The following USH2A variants were observed in gnomAD, a reference collection of about 807,000 sequenced individuals.
USH2A encodes the protein usherin, also known as Usher syndrome 2A (autosomal recessive, mild).
USH2A carries 443 observed loss-of-function variants against 538.9 expected under a neutral mutation model. The ratio of observed to expected loss-of-function variants is 0.82; its 90% CI spans 0.76 to 0.89. The LOEUF (loss-of-function observed/expected upper bound fraction) is 0.89. Among genes scored for constraint, USH2A ranks in the 40% least tolerant of loss-of-function variants. The pLI is 0.00. For synonymous variants in USH2A, 2,413 were observed against 2,273.5 expected, an observed-to-expected ratio of 1.06 and a Z score of -1.75; for missense variants, 6,633 against 6,324.8, an observed-to-expected ratio of 1.05 and a Z score of -1.65.
intron 15 of USH2A, among the ~76,000 whole-genome samples, chr1:216,217,153 A>C (rs1396637878): frequency 6.6e-6 from 1 of 152,096 alleles, no homozygotes; most frequent in African/African-American, 2.4e-5. Flanking sequence ...ATTTCACTCC[A>C]AAAAACTATT....
chr1:216,029,427 GT>G (rs1329129111), intron 32 of USH2A, among the ~76,000 whole-genome samples: 1 of 152,016 alleles, frequency 6.6e-6, no homozygotes, highest in Non-Finnish European at 1.5e-5. Context: ...GCCATAACTT[GT>G]TTAACTAGTA....
chr1:216,409,457 A>G (rs555727325), intron 3 of USH2A, among the ~76,000 whole-genome samples: 2 of 152,304 alleles, frequency 1.3e-5, no homozygotes, highest in South Asian at 4.1e-4. Context: ...AGGTGGAGGC[A>G]TTGCATTACT....
At position 215,624,629 on chromosome 1, in the gene USH2A, A is replaced by C. The variant is rs1237098029; in HGVS notation, c.*1152T>G. ...TCTTGCCATAGGACTTTCACCAATG[A>C]CTTTGTAATCCAACTAGAGCAGGTG... On this transcript the variant is annotated 3_prime_UTR_variant, in exon 72 of 72. Transcript: ENST00000307340. The C allele has an allele frequency of 3.3e-5, 5 of 152,154 alleles. No homozygotes were observed. The East Asian group carries it at 7.7e-4, about 23-fold the overall frequency. The allele number at this position is 152,154 out of a possible 1,614,324, so 9.4% of individuals were successfully genotyped here.
chr1:215,981,496 G>T (rs547451827), intron 35 of USH2A, among the ~76,000 whole-genome samples: 6 of 152,174 alleles, frequency 3.9e-5, no homozygotes, highest in African/African-American at 1.2e-4. Flanking sequence ...AGGCACATCA[G>T]CTTTCTTTTC....
intron 37 of USH2A, among the ~76,000 whole-genome samples, chr1:215,948,960 A>G (rs564759298): frequency 6.6e-6 from 1 of 152,094 alleles, no homozygotes; most frequent in East Asian, 1.9e-4. Context: ...GTTCAAGGTA[A>G]AAATGTCTAT....
chr1:215,755,938 T>C lies in USH2A; in HGVS notation c.11389+2657A>G, dbSNP rs553286205. Among the ~76,000 whole-genome samples, 4 of 152,310 alleles carry C rather than the reference T, an allele frequency of 2.6e-5. No homozygotes were observed. In the East Asian group the frequency reaches 7.7e-4, roughly 29 times the overall value. On this transcript the variant is annotated intron_variant, in intron 58 of 71. Coordinates refer to ENST00000307340, the MANE Select transcript of USH2A (RefSeq NM_206933.4). ...ACGCTGGGAAATTTGAAAGAGGTCT[T>C]GAAAATTTACTAATCCAATCCTCAG...
In USH2A at chr1:216,199,909, C is replaced by T; in HGVS notation, c.3529G>A (p.Gly1177Ser). Reference sequence around the variant, plus strand: ...GACAAAATATATTTCTCTATGGGACCAGATTGATTTGAGAGTGTTGTCCAG... The same window carrying T: ...GACAAAATATATTTCTCTATGGGACTAGATTGATTTGAGAGTGTTGTCCAG... ...LTWTTLSNQSGPIEKYILSCA... is the reference protein window; with the variant it reads ...LTWTTLSNQSSPIEKYILSCA... Residue 1177 changes from glycine to serine, a missense_variant, in exon 17 of 72, where the codon GGT becomes AGT. Gly to Ser is a moderately conservative substitution (Grantham distance 56). Transcript: ENST00000307340. 1.9e-6 allele frequency: 3 copies of T among 1,614,034 alleles called. No individual in the cohort carries two copies. The highest frequency in any genetic ancestry group is 2.5e-6 in the Non-Finnish European group (3 of 1,179,996).
chr1:215,964,514 G>A (rs542614968), intron 37 of USH2A, among the ~76,000 whole-genome samples: 20 of 152,180 alleles, frequency 1.3e-4, no homozygotes, highest in Non-Finnish European at 2.5e-4. Context: ...ACAAAGAAAC[G>A]TTTTCAAGCC....
intron 40 of USH2A, among the ~76,000 whole-genome samples, chr1:215,896,914 A>G (rs1449646808): frequency 1.3e-5 from 2 of 152,128 alleles, no homozygotes; most frequent in East Asian, 1.9e-4. Flanking sequence ...AATTGGCTGG[A>G]ACAAACATCT....
intron 61 of USH2A, among the ~76,000 whole-genome samples, chr1:215,692,896 T>A (rs1014828810): frequency 1.3e-5 from 2 of 151,760 alleles, no homozygotes; most frequent in African/African-American, 4.8e-5. Flanking sequence ...TATTTACCAT[T>A]TTCTTTTCGT....
chr1:216,164,377 C>T (rs1002139614), intron 21 of USH2A, among the ~76,000 whole-genome samples: 2 of 152,038 alleles, frequency 1.3e-5, no homozygotes, highest in Admixed American at 6.6e-5. Flanking sequence ...AAGGAAAGTT[C>T]TCTGACTTGA....
chr1:215,879,946 T>G (rs1160807893), intron 41 of USH2A, among the ~76,000 whole-genome samples: 1 of 152,194 alleles, frequency 6.6e-6, no homozygotes, highest in Non-Finnish European at 1.5e-5. Context: ...TACCTTCTAG[T>G]GCTCTTTATA....
chr1:216,417,452 C>T (rs1303687603), intron 3 of USH2A, among the ~76,000 whole-genome samples: 2 of 152,058 alleles, frequency 1.3e-5, no homozygotes, highest in African/African-American at 4.8e-5. Context: ...CCACCCAAAC[C>T]TCATGTCCAA....
intron 21 of USH2A, among the ~76,000 whole-genome samples, chr1:216,140,318 A>T (rs1558279630): frequency 6.6e-6 from 1 of 152,190 alleles, no homozygotes; most frequent in African/African-American, 2.4e-5. Context: ...ATGCTCAATA[A>T]ATAACTTTGA....
chr1:215,736,449 C>G lies in USH2A; in HGVS notation c.11711+4926G>C, dbSNP rs182118268. Reference sequence around the variant, plus strand: ...ATTTTGTATGAGTGACATTTCAAATCAGTGGATTATGAAATAATGTTGATA... The same window carrying G: ...ATTTTGTATGAGTGACATTTCAAATGAGTGGATTATGAAATAATGTTGATA... On this transcript the variant is annotated intron_variant, in intron 60 of 71. Transcript: ENST00000307340. Among the ~76,000 whole-genome samples, 712 of 152,170 alleles carry G rather than the reference C, an allele frequency of 4.7e-3. 2 individuals are homozygous for G. Among genetic ancestry groups the G allele is most frequent in the African/African-American group, 0.017 (686 of 41,512 alleles).
chr1:216,295,674 A>G (rs1442149156), intron 9 of USH2A, among the ~76,000 whole-genome samples: 6 of 151,938 alleles, frequency 3.9e-5, no homozygotes, highest in Non-Finnish European at 8.8e-5. Context: ...TGAAATACTT[A>G]ATGTGACTTC....
Position 215,782,783 on chromosome 1 carries a change from C to T in USH2A, c.10540G>A (p.Glu3514Lys). The T allele has an allele frequency of 6.2e-7, 1 of 1,613,932 alleles. No individual in the cohort carries two copies. The highest frequency in any genetic ancestry group is 1.1e-5 in the South Asian group (1 of 91,078). The change falls in exon 53 of 72, where the codon GAA becomes AAA. Residue 3514 changes from glutamate (E) to lysine (K), a missense_variant. Glu to Lys is a moderately conservative substitution (Grantham distance 56, BLOSUM62 1). Transcript: ENST00000307340. ...PPTWTKIDNL[E>K]DTIVLNWRKP... is the part of the protein sequence containing the mutation. ...CTCCAGTTTAAGACAATTGTATCTT[C>T]AAGATTGTCTATTTTGGTCCACGTA...
chr1:215,910,020 C>T (rs553852564), intron 38 of USH2A, among the ~76,000 whole-genome samples: 54 of 152,044 alleles, frequency 3.6e-4, no homozygotes, highest in Non-Finnish European at 6.5e-4. Flanking sequence ...TGAGCATATA[C>T]ATAAGGAAGG....
intron 20 of USH2A, among the ~76,000 whole-genome samples, chr1:216,178,188 A>C (rs1389193855): frequency 1.3e-5 from 2 of 152,186 alleles, no homozygotes; most frequent in Non-Finnish European, 2.9e-5. Context: ...CACTGAGCAA[A>C]AAGTTCATCA....
Sources: gnomAD v4.1 joint callset for allele counts (sites outside exome capture counted in the v4.1 genomes callset) on GRCh38, gnomAD v4.1.1 for gene constraint, MANE v1.5 for transcripts, NCBI Gene and HGNC (gene_info 2026-07-23, HGNC 2026-07-21) for gene names.